PPARGC1A: variants seen among roughly 807,000 people sequenced by gnomAD.
PPARGC1A encodes the protein peroxisome proliferator-activated receptor gamma coactivator 1-alpha.
In PPARGC1A, 25 loss-of-function variants were observed where a neutral mutation model predicts 88.7. The ratio of observed to expected loss-of-function variants is 0.28; its 90% CI spans 0.21 to 0.39. PPARGC1A has a LOEUF of 0.39. Ranked by LOEUF, PPARGC1A falls within the 10% of genes least tolerant of loss-of-function variation. The probability of loss-of-function intolerance (pLI) is 1.00; values close to 1 mark genes in which losing one functional copy is unlikely to be tolerated. For synonymous variants in PPARGC1A, 363 were observed against 355.6 expected, an observed-to-expected ratio of 1.02 and a Z score of -0.24; for missense variants, 880 against 968.7, an observed-to-expected ratio of 0.91 and a Z score of 1.22.
the PPARGC1A span, among the ~76,000 whole-genome samples, chr4:24,279,965 A>T: frequency 6.6e-6 from 1 of 152,118 alleles, no homozygotes; most frequent in African/African-American, 2.4e-5. Context: ...GAGAGCTATT[A>T]TTAGAGAGGC....
chr4:24,413,580 A>T, the PPARGC1A span, among the ~76,000 whole-genome samples: 1 of 152,148 alleles, frequency 6.6e-6, no homozygotes, highest in Non-Finnish European at 1.5e-5. Context: ...GCCGGCTGGG[A>T]TCCCCACTGG....
At chr4:24,043,545 T>C in the PPARGC1A span, among the ~76,000 whole-genome samples, 13 of 152,148 alleles carry the variant, frequency 8.5e-5, no homozygotes, top group African/African-American at 2.9e-4. Context: ...CCTCTACCAA[T>C]ACAGAATGCC....
chr4:24,123,509 A>G, the PPARGC1A span, among the ~76,000 whole-genome samples: 911 of 152,228 alleles, frequency 6.0e-3, 9 homozygotes, highest in South Asian at 0.029. Context: ...ATAAGCATAG[A>G]GACAAAGCCC....
rs1465574344 is a variant in PPARGC1A at position 23,840,588 on chromosome 4, G to C, written c.235-8837C>G. Among the ~76,000 whole-genome samples, 3 of 151,878 alleles carry C rather than the reference G, an allele frequency of 2.0e-5. No homozygotes were observed. In the East Asian group the frequency reaches 5.8e-4, roughly 29 times the overall value. ...TTTCCCTATCTTATTTTTCCCTTTGGCATTCATCTCCCTGACTCAACATAT... is the reference window on the plus strand; with the variant it reads ...TTTCCCTATCTTATTTTTCCCTTTGCCATTCATCTCCCTGACTCAACATAT... On this transcript the variant is annotated intron_variant, in intron 2 of 12. Transcript: ENST00000264867.
chr4:23,905,052 T>G (rs779104711), upstream of PPARGC1A, among the ~76,000 whole-genome samples: 9 of 152,034 alleles, frequency 5.9e-5, no homozygotes, highest in Non-Finnish European at 1.3e-4. Context: ...TGAAAGGAGG[T>G]CAACCCTTCT....
the PPARGC1A span, among the ~76,000 whole-genome samples, chr4:24,201,428 C>T: frequency 1.3e-5 from 2 of 152,222 alleles, no homozygotes; most frequent in African/African-American, 2.4e-5. Flanking sequence ...GTGTTGTTCA[C>T]GAGCAGAGTC....
chr4:24,125,080 G>A, the PPARGC1A span, among the ~76,000 whole-genome samples: 1 of 152,062 alleles, frequency 6.6e-6, no homozygotes, highest in Non-Finnish European at 1.5e-5. Context: ...GGGTTAGAGA[G>A]CCTGCAGTTG....
At chr4:24,029,234 A>G in the PPARGC1A span, among the ~76,000 whole-genome samples, 1 of 152,218 alleles carries the variant, frequency 6.6e-6, no homozygotes, top group Non-Finnish European at 1.5e-5. Flanking sequence ...AGAAACGACT[A>G]GGGAATTCTG....
the PPARGC1A span, among the ~76,000 whole-genome samples, chr4:24,261,148 G>A: frequency 6.6e-6 from 1 of 152,132 alleles, no homozygotes; most frequent in Admixed American, 6.6e-5. Flanking sequence ...GAGTCTCTGG[G>A]TAATAGAGAA....
the PPARGC1A span, among the ~76,000 whole-genome samples, chr4:24,333,940 C>CAAAA: frequency 6.1e-3 from 85 of 13,828 alleles, no homozygotes; most frequent in East Asian, 0.011. Flanking sequence ...ACAACAACAA[C>CAAAA]AAAAAAAAAA....
At chr4:23,923,580 A>C in the PPARGC1A span, among the ~76,000 whole-genome samples, 269 of 152,334 alleles carry the variant, frequency 1.8e-3, 3 homozygotes, top group African/African-American at 6.3e-3. Flanking sequence ...AAAAAGAAAG[A>C]AAGAATGAAA....
At chr4:23,868,978 C>T (rs1293836899) in intron 2 of PPARGC1A, among the ~76,000 whole-genome samples, 5 of 152,190 alleles carry the variant, frequency 3.3e-5, no homozygotes, top group African/African-American at 1.2e-4. Flanking sequence ...CATGGATACT[C>T]TCCTTTCCAC....
At chr4:24,471,597 C>T in the PPARGC1A span, among the ~76,000 whole-genome samples, 1 of 152,192 alleles carries the variant, frequency 6.6e-6, no homozygotes, top group Non-Finnish European at 1.5e-5. The surrounding 1 kb of genome is among the most constrained non-coding windows in gnomAD (Gnocchi z 5.4). Flanking sequence ...ACCAGTGGCC[C>T]GCTGACATCC....
chr4:24,258,962 C>T, the PPARGC1A span, among the ~76,000 whole-genome samples: 1 of 152,000 alleles, frequency 6.6e-6, no homozygotes. Flanking sequence ...TGACATAGGT[C>T]CTACCATCAA....
intron 7 of PPARGC1A, among the ~76,000 whole-genome samples, chr4:23,823,429 A>G (rs1351599843): frequency 6.6e-6 from 1 of 151,778 alleles, no homozygotes; most frequent in African/African-American, 2.4e-5. Context: ...ATTTGAATGT[A>G]TATTTTTGTG....
At chr4:24,122,068 G>A in the PPARGC1A span, among the ~76,000 whole-genome samples, 1 of 152,096 alleles carries the variant, frequency 6.6e-6, no homozygotes, top group Admixed American at 6.6e-5. Flanking sequence ...AGGGGAATAG[G>A]GGAAGTGGAC....
the PPARGC1A span, among the ~76,000 whole-genome samples, chr4:24,104,709 G>A: frequency 5.3e-5 from 8 of 152,176 alleles, no homozygotes; most frequent in African/African-American, 1.7e-4. Flanking sequence ...GGGGCTGTTT[G>A]TATACCTGTG....
the PPARGC1A span, among the ~76,000 whole-genome samples, chr4:24,363,159 C>G: frequency 5.3e-5 from 8 of 152,182 alleles, no homozygotes; most frequent in Admixed American, 5.2e-4. Flanking sequence ...AAGTCAACCT[C>G]ATTCATGTAT....
chr4:24,398,289 T>C, the PPARGC1A span, among the ~76,000 whole-genome samples: 1 of 152,162 alleles, frequency 6.6e-6, no homozygotes. Flanking sequence ...TGTAACAGAA[T>C]AGATTATATT....
Sources: gnomAD v4.1 joint callset for allele counts (sites outside exome capture counted in the v4.1 genomes callset) on GRCh38, gnomAD v4.1.1 for gene constraint, Gnocchi (gnomAD v3.1) non-coding constraint, MANE v1.5 for transcripts, NCBI Gene and HGNC (gene_info 2026-07-23, HGNC 2026-07-21) for gene names.